The following TDRD12 variants were observed in gnomAD, a reference collection of about 807,000 sequenced individuals.
The protein encoded by TDRD12 is tudor domain containing 12, also known as putative ATP-dependent RNA helicase TDRD12.
In TDRD12, 158 loss-of-function variants were observed where a neutral mutation model predicts 133.5. That is an observed-to-expected ratio of 1.18 (90% CI 1.04 to 1.35). The LOEUF (loss-of-function observed/expected upper bound fraction) is 1.35, where lower values mean the gene tolerates loss of function less well. Ranked by LOEUF, TDRD12 falls within the 40% of genes most tolerant of loss-of-function variation. The pLI, the probability that TDRD12 is intolerant of heterozygous loss-of-function variation, is 0.00. For missense variants in TDRD12, 1,443 were observed against 1,321.3 expected (o/e 1.09, Z -1.43); for synonymous variants, 460 against 477.9 (o/e 0.96, Z 0.49).
intron 11 of TDRD12, among the ~76,000 whole-genome samples, chr19:32,789,827 C>T (rs1971016920): frequency 2.0e-5 from 3 of 152,098 alleles, no homozygotes; most frequent in Admixed American, 1.3e-4. Context: ...AATGGTGAAA[C>T]CCTGTCTCTA....
chr19:32,788,749 G>C (rs968863674), intron 11 of TDRD12, among the ~76,000 whole-genome samples: 2 of 152,180 alleles, frequency 1.3e-5, no homozygotes, highest in Admixed American at 1.3e-4. Flanking sequence ...CAGTGAGCCG[G>C]TGAGGGTCTC....
At chr19:32,767,216 C>T (rs970202144) in intron 8 of TDRD12, among the ~76,000 whole-genome samples, 2 of 151,650 alleles carry the variant, frequency 1.3e-5, no homozygotes, top group Non-Finnish European at 2.9e-5. Flanking sequence ...GCAGCCTCCA[C>T]GTCCTGGGTT....
intron 8 of TDRD12, among the ~76,000 whole-genome samples, chr19:32,758,116 G>T (rs1337850555): frequency 6.6e-6 from 1 of 152,176 alleles, no homozygotes; most frequent in African/African-American, 2.4e-5. Context: ...GCATTTGGCA[G>T]TTCCCAAGCT....
intron 6 of TDRD12, among the ~76,000 whole-genome samples, chr19:32,755,147 G>A (rs1308066302): frequency 2.0e-5 from 3 of 152,216 alleles, no homozygotes; most frequent in Non-Finnish European, 2.9e-5. Flanking sequence ...ATATACTACA[G>A]TGTATTTACC....
At chr19:32,772,670 C>A in intron 8 of TDRD12, 83 bp from the exon 9 acceptor site, 2 of 786,530 alleles carry the variant, frequency 2.5e-6, no homozygotes, top group Non-Finnish European at 1.9e-6. Context: ...ATGGTATTTG[C>A]TTTTATTATA....
At chr19:32,823,407 T>C (rs929561140), downstream of TDRD12, among the ~76,000 whole-genome samples, 1 of 152,008 alleles carries the variant, frequency 6.6e-6, no homozygotes, top group East Asian at 1.9e-4. Context: ...GGGATTGTTG[T>C]GAAGGATGGG....
Position 32,827,357 on chromosome 19 carries a change from T to TTTTTC in TDRD12, c.*206_*210dup, listed in dbSNP as rs1359617210. ...GAAAACAGTCAGTCATAACCAAATC[T>TTTTTC]TTTTCTTTTCTTTTCTTTTTTTTTT... On this transcript the variant is annotated 3_prime_UTR_variant, in exon 10 of 10. Coordinates refer to the TDRD12 transcript ENST00000637289. 2.7e-3 allele frequency: 995 copies of TTTTTC among 363,646 alleles called. 21 individuals carry two copies. The highest frequency in any genetic ancestry group is 3.9e-3 in the South Asian group (26 of 6,660). 22.5% of individuals were successfully genotyped at this position (363,646 alleles called of 1,614,324 possible).
downstream of TDRD12, chr19:32,826,251 C>T: frequency 6.8e-7 from 1 of 1,472,488 alleles, no homozygotes; most frequent in Non-Finnish European, 9.0e-7. Context: ...TAGCTTCCAC[C>T]CACAAATAAA....
At chr19:32,818,500 C>T (rs1260386666) in intron 27 of TDRD12, among the ~76,000 whole-genome samples, 1 of 152,184 alleles carries the variant, frequency 6.6e-6, no homozygotes, top group Non-Finnish European at 1.5e-5. Flanking sequence ...GGCTAGGGGA[C>T]AAGACTGTGC....
At chr19:32,748,657 A>G in intron 5 of TDRD12, 126 bp downstream of exon 5, 1 of 866,940 alleles carries the variant, frequency 1.2e-6, no homozygotes, top group Non-Finnish European at 1.7e-6. Flanking sequence ...GGAGTTCCCT[A>G]AGCTACCTGG....
At chr19:32,755,535 C>T (rs776324544) in intron 6 of TDRD12, among the ~76,000 whole-genome samples, 7 of 152,168 alleles carry the variant, frequency 4.6e-5, no homozygotes, top group African/African-American at 1.7e-4. Flanking sequence ...GTGTTGATTT[C>T]GTTTTATTGA....
At chr19:32,743,952 C>G (rs1043393911) in intron 4 of TDRD12, among the ~76,000 whole-genome samples, 2 of 149,902 alleles carry the variant, frequency 1.3e-5, no homozygotes, top group East Asian at 3.9e-4. Context: ...TGCTTGAACC[C>G]GGGAGGCAGA....
At chr19:32,802,138 G>A (rs1382368385) in intron 19 of TDRD12, among the ~76,000 whole-genome samples, 1 of 141,536 alleles carries the variant, frequency 7.1e-6, no homozygotes, top group Non-Finnish European at 1.5e-5. Context: ...TCATATATAT[G>A]ATATATATTA....
intron 11 of TDRD12, among the ~76,000 whole-genome samples, chr19:32,789,242 C>A (rs1970998744): frequency 6.6e-6 from 1 of 152,150 alleles, no homozygotes; most frequent in Admixed American, 6.5e-5. Flanking sequence ...GGGGCTGTTA[C>A]CAGTTTGTCC....
chr19:32,748,062 C>A, intron 4 of TDRD12, among the ~76,000 whole-genome samples: 1 of 152,140 alleles, frequency 6.6e-6, no homozygotes, highest in East Asian at 1.9e-4. Context: ...CCCATGACTG[C>A]CTGTGAGGGT....
chr19:32,733,376 A>G (rs1383188796), intron 2 of TDRD12, among the ~76,000 whole-genome samples: 3 of 152,048 alleles, frequency 2.0e-5, no homozygotes, highest in Non-Finnish European at 2.9e-5. Flanking sequence ...AGGCTGAGGC[A>G]AGAGAATCAC....
intron 1 of TDRD12, among the ~76,000 whole-genome samples, chr19:32,726,636 A>C (rs1482780088): frequency 3.9e-5 from 6 of 152,022 alleles, no homozygotes; most frequent in Non-Finnish European, 8.8e-5. Context: ...GTGAGGACCC[A>C]ACTACTTGGG....
At chr19:32,748,072 T>A (rs540240156) in intron 4 of TDRD12, among the ~76,000 whole-genome samples, 1 of 152,104 alleles carries the variant, frequency 6.6e-6, no homozygotes, top group South Asian at 2.1e-4. Flanking sequence ...CCTGTGAGGG[T>A]GTCGGTGTAC....
intron 14 of TDRD12, among the ~76,000 whole-genome samples, chr19:32,797,260 C>T (rs914786296): frequency 4.6e-5 from 7 of 152,120 alleles, no homozygotes; most frequent in African/African-American, 1.7e-4. Flanking sequence ...GGATTACAGG[C>T]GTGAGCCACT....
Sources: gnomAD v4.1 joint callset for allele counts (sites outside exome capture counted in the v4.1 genomes callset) on GRCh38, gnomAD v4.1.1 for gene constraint, MANE v1.5 for transcripts, NCBI Gene and HGNC (gene_info 2026-07-23, HGNC 2026-07-21) for gene names.